The following ZNF234 variants were observed in gnomAD, a reference collection of about 807,000 sequenced individuals.
ZNF234 encodes zinc finger protein 234.
Under a neutral mutation model 10.3 loss-of-function variants are expected in ZNF234, and 4 were observed. That is an observed-to-expected ratio of 0.39 (90% CI 0.19 to 0.89). The LOEUF is 0.89. ZNF234 is among the 40% of genes least tolerant of loss of function. ZNF234 has a pLI of 0.38. For missense variants in ZNF234, 711 were observed against 836.1 expected, an observed-to-expected ratio of 0.85 and a Z score of 1.85; for synonymous variants, 258 against 280.1, an observed-to-expected ratio of 0.92 and a Z score of 0.79.
chr19:44,154,628 C>CTTTTTTTTTT (rs779013573), intron 5 of ZNF234, among the ~76,000 whole-genome samples: 7 of 102,434 alleles, frequency 6.8e-5, no homozygotes, highest in Admixed American at 9.3e-5. Flanking sequence ...TTCTCTTTTT[C>CTTTTTTTTTT]TTTTTTTTTT....
At chr19:44,144,289 C>T (rs759030063) in intron 2 of ZNF234, among the ~76,000 whole-genome samples, 3 of 152,208 alleles carry the variant, frequency 2.0e-5, no homozygotes, top group Non-Finnish European at 4.4e-5. Context: ...TGGCTTCTTT[C>T]ACTCAGCATA....
chr19:44,151,980 T>C (rs1106562), intron 5 of ZNF234, among the ~76,000 whole-genome samples: 2 of 152,000 alleles, frequency 1.3e-5, no homozygotes, highest in Admixed American at 1.3e-4. Flanking sequence ...TCTTTGGGGG[T>C]TGATTATTCT....
rs199503795 is a variant in ZNF234 at position 44,157,053 on chromosome 19, G to A, written c.1037G>A (p.Cys346Tyr). The A allele has an allele frequency of 3.7e-6, 6 of 1,614,188 alleles. No individual in the cohort carries two copies. Among genetic ancestry groups the A allele is most frequent in the Middle Eastern group, 1.7e-4 (1 of 6,060 alleles). The change falls in exon 6 of 6, where the codon TGT becomes TAT. Residue 346 changes from cysteine to tyrosine, a missense_variant. Cys to Tyr is a radical substitution (Grantham distance 194, BLOSUM62 -2). Coordinates refer to ENST00000426739, the MANE Select transcript of ZNF234 (RefSeq NM_006630.3). ...RVHTGEKPYK[C>Y]EECGKCFIQP... Reference sequence around the variant, plus strand: ...CACACAGGAGAGAAACCTTACAAGTGTGAAGAATGTGGTAAGTGCTTTATT... The same window carrying A: ...CACACAGGAGAGAAACCTTACAAGTATGAAGAATGTGGTAAGTGCTTTATT...
chr19:44,157,811 G>A lies in ZNF234; in HGVS notation c.1795G>A (p.Gly599Arg), dbSNP rs762785196. The A allele has an allele frequency of 6.2e-7, 1 of 1,614,014 alleles. No individual in the cohort carries two copies. The highest frequency in any genetic ancestry group is 1.1e-5 in the South Asian group (1 of 91,070). The change falls in exon 6 of 6, where the codon GGG (glycine) becomes AGG (arginine). Residue 599 changes from glycine to arginine, a missense_variant. Gly to Arg is a moderately radical substitution (Grantham distance 125). Transcript: ENST00000426739. ...VHTGEKPYTC[G>R]ECGKHFSQAS... Reference sequence around the variant, plus strand: ...CACAGGAGAAAAACCCTATACATGTGGGGAGTGTGGGAAGCACTTCAGTCA... The same window carrying A: ...CACAGGAGAAAAACCCTATACATGTAGGGAGTGTGGGAAGCACTTCAGTCA...
In ZNF234 at chr19:44,156,887, G is replaced by A. The variant is rs146772061; in HGVS notation, c.871G>A (p.Asp291Asn). ...TACTGGGGAGAAACCATTCAAATGT[G>A]ATACATGTGGTAAGAACTTCCGTCG... ...IHTGEKPFKC[D>N]TCGKNFRRRS... is the part of the protein sequence containing the mutation. The change falls in exon 6 of 6, where the codon GAT becomes AAT. Residue 291 changes from aspartate (D) to asparagine (N), a missense_variant. Transcript: ENST00000426739. 7.9e-5 allele frequency: 127 copies of A among 1,613,754 alleles called. No homozygotes were observed. In the East Asian group the frequency reaches 2.7e-3, roughly 35 times the overall value.
intron 5 of ZNF234, among the ~76,000 whole-genome samples, chr19:44,153,576 C>T (rs1968800734): frequency 6.6e-6 from 1 of 152,030 alleles, no homozygotes; most frequent in South Asian, 2.1e-4. Context: ...GTGAAAGGCC[C>T]AACTTACCTA....
chr19:44,156,823 C>T lies in ZNF234; in HGVS notation c.807C>T (p.Phe269=). The T allele has an allele frequency of 6.2e-7, 1 of 1,609,412 alleles. No individual in the cohort carries two copies. The highest frequency in any genetic ancestry group is 8.5e-7 in the Non-Finnish European group (1 of 1,176,622). ...ATTGTGAGGAATGTGGAAGGGCCTT[C>T]ATACATGCTTCCCATCTTCAGGAAC... The part of the protein sequence containing the change: ...PYNCEECGRA[F]IHASHLQEHQ... The change falls in exon 6 of 6, where the codon TTC becomes TTT. Residue 269 remains phenylalanine (F), a synonymous_variant. Transcript: ENST00000426739.
In ZNF234 at chr19:44,148,350, C is replaced by A. The variant is rs1041548834; in HGVS notation, c.16-421C>A. Among the ~76,000 whole-genome samples, 3 of 152,180 alleles carry A rather than the reference C, an allele frequency of 2.0e-5. No homozygotes were observed. The East Asian group carries it at 5.8e-4, about 29-fold the overall frequency. Reference sequence around the variant, plus strand: ...TGTTACCAAAAGCTTGTTAGTTTGGCAGACTTTAATGAAAAGGGATAGCAT... The same window carrying A: ...TGTTACCAAAAGCTTGTTAGTTTGGAAGACTTTAATGAAAAGGGATAGCAT... On this transcript the variant is annotated intron_variant, in intron 3 of 5. Coordinates refer to ENST00000426739, the MANE Select transcript of ZNF234 (RefSeq NM_006630.3).
chr19:44,153,988 C>T (rs1219658024), intron 5 of ZNF234, among the ~76,000 whole-genome samples: 1 of 152,164 alleles, frequency 6.6e-6, no homozygotes, highest in African/African-American at 2.4e-5. Flanking sequence ...GAAGGACATA[C>T]ATTAAACAAC....
chr19:44,155,705 G>T (rs904576523), intron 5 of ZNF234, among the ~76,000 whole-genome samples: 6 of 151,950 alleles, frequency 3.9e-5, no homozygotes, highest in African/African-American at 1.2e-4. Context: ...CAAAATATTT[G>T]ATTATTTTCT....
chr19:44,148,719 C>G (rs1188336746), intron 3 of ZNF234, 52 bp from the exon 4 acceptor site: 1 of 1,609,124 alleles, frequency 6.2e-7, no homozygotes, highest in Admixed American at 1.7e-5. Context: ...AGTGCTGTTT[C>G]TTTTCAAGAG....
chr19:44,147,838 G>A (rs1424077375), intron 3 of ZNF234, among the ~76,000 whole-genome samples: 2 of 151,600 alleles, frequency 1.3e-5, no homozygotes, highest in Admixed American at 6.6e-5. Flanking sequence ...GGCAACAAGA[G>A]TGAAGCTCTG....
rs192496025 is a variant in ZNF234, at chr19:44,157,917, G to C, written c.1901G>C (p.Ser634Thr). The C allele has an allele frequency of 2.5e-6, 4 of 1,614,192 alleles. No homozygotes were observed. In the Admixed American group the frequency reaches 6.7e-5, roughly 27 times the overall value. ...TGTGATGTATGTGGTAAAGTCTTCAGTCGGTCTTCACAATTACAGTATCAT... is the reference window on the plus strand; with the variant it reads ...TGTGATGTATGTGGTAAAGTCTTCACTCGGTCTTCACAATTACAGTATCAT... ...YKCDVCGKVFSRSSQLQYHRR... is the reference protein window; with the variant it reads ...YKCDVCGKVFTRSSQLQYHRR... Residue 634 changes from serine (S) to threonine (T), a missense_variant, in exon 6 of 6, where the codon AGT becomes ACT. Transcript: ENST00000426739.
chr19:44,146,239 A>C (rs1968587304), intron 3 of ZNF234, among the ~76,000 whole-genome samples: 1 of 152,218 alleles, frequency 6.6e-6, no homozygotes, highest in African/African-American at 2.4e-5. Context: ...TCAGCACTCC[A>C]GGTGCACAAG....
chr19:44,159,609 T>G lies in ZNF234; in HGVS notation c.*1490T>G, dbSNP rs1361971142. Reference sequence around the variant, plus strand: ...TTAAGGCAGGGGTTTACTCTAACACTTTTAAAGTGTCAGAAGTAGTTGCCA... The same window carrying G: ...TTAAGGCAGGGGTTTACTCTAACACGTTTAAAGTGTCAGAAGTAGTTGCCA... On this transcript the variant is annotated 3_prime_UTR_variant, in exon 6 of 6. Coordinates refer to ENST00000426739, the MANE Select transcript of ZNF234 (RefSeq NM_006630.3). 2.1e-6 allele frequency: 1 copy of G among 476,578 alleles called. No homozygotes were observed. The highest frequency in any genetic ancestry group is 4.3e-6 in the Non-Finnish European group (1 of 231,428). The allele number at this position is 476,578 out of a possible 1,614,324, so 29.5% of individuals were successfully genotyped here. A position where few individuals can be genotyped will look rare whatever the true frequency, so the allele number is the denominator to read the frequency against.
In ZNF234 at chr19:44,159,678, A is replaced by T. The variant is rs1968991026; in HGVS notation, c.*1559A>T. On this transcript the variant is annotated 3_prime_UTR_variant, in exon 6 of 6. Transcript: ENST00000426739. Reference sequence around the variant, plus strand: ...CCCCCTTGAATTTATTTGATTTCTGACTTTCCACATTTCCATCCAGACTTT... The same window carrying T: ...CCCCCTTGAATTTATTTGATTTCTGTCTTTCCACATTTCCATCCAGACTTT... The T allele has an allele frequency of 2.3e-6, 1 of 442,946 alleles. No homozygotes were observed. Among genetic ancestry groups the T allele is most frequent in the Non-Finnish European group, 4.7e-6 (1 of 211,178 alleles). 27.4% of individuals were successfully genotyped at this position (442,946 alleles called of 1,614,324 possible).
Position 44,159,463 on chromosome 19 carries a change from C to A in ZNF234, c.*1344C>A. On this transcript the variant is annotated 3_prime_UTR_variant, in exon 6 of 6. Transcript: ENST00000426739. ...GTGTTAAATTACAGGCGTAAGCCAC[C>A]ACACCCGGCCAAGTTGAAGTATATT... The A allele has an allele frequency of 3.3e-6, 1 of 300,450 alleles. No homozygotes were observed. Among genetic ancestry groups the A allele is most frequent in the Non-Finnish European group, 7.1e-6 (1 of 140,280 alleles). The allele number at this position is 300,450 out of a possible 1,614,324, so 18.6% of individuals were successfully genotyped here.
In ZNF234 at chr19:44,155,979, T is replaced by C. The variant is rs185973398; in HGVS notation, c.236-273T>C. On this transcript the variant is annotated intron_variant, in intron 5 of 5. Transcript: ENST00000426739. ...TCGATGGAAATGGCAGTACAATTTGTATCATGTTAATTTTTAAAATTAACT... is the reference window on the plus strand; with the variant it reads ...TCGATGGAAATGGCAGTACAATTTGCATCATGTTAATTTTTAAAATTAACT... 5.3e-5 allele frequency among the ~76,000 whole-genome samples: 8 copies of C among 152,352 alleles called. No homozygotes were observed. In the East Asian group the frequency reaches 1.5e-3, roughly 29 times the overall value.
intron 2 of ZNF234, 43 bp from the exon 3 acceptor site, chr19:44,144,514 A>C (rs958692861): frequency 8.4e-6 from 7 of 835,908 alleles, no homozygotes; most frequent in Non-Finnish European, 1.2e-5. Flanking sequence ...TGGTGGGGAC[A>C]TCCCTGGCCA....
Sources: allele counts gnomAD v4.1 joint callset (sites outside exome capture counted in the v4.1 genomes callset), GRCh38; gene constraint gnomAD v4.1.1; transcripts MANE v1.5; gene names NCBI Gene and HGNC (gene_info 2026-07-23, HGNC 2026-07-21).